The following CTNNA3 variants were observed in gnomAD, a reference collection of about 807,000 sequenced individuals.
CTNNA3 encodes the protein catenin alpha-3.
Under a neutral mutation model 95.7 loss-of-function variants are expected in CTNNA3, and 76 were observed. The observed-to-expected ratio is 0.79, with a 90% CI of 0.66 to 0.96. The LOEUF is 0.96. CTNNA3 is among the 40% of genes least tolerant of loss of function. The pLI, the probability that CTNNA3 is intolerant of heterozygous loss-of-function variation, is 0.00. For synonymous variants in CTNNA3, 431 were observed against 374.4 expected, an observed-to-expected ratio of 1.15 and a Z score of -1.74; for missense variants, 1,191 against 1,089.8, an observed-to-expected ratio of 1.09 and a Z score of -1.31.
chr10:66,364,564 G>A (rs1054604840), intron 12 of CTNNA3, among the ~76,000 whole-genome samples: 3 of 152,062 alleles, frequency 2.0e-5, no homozygotes, highest in African/African-American at 7.2e-5. Flanking sequence ...TTAAAAAGAT[G>A]TAGAATTTTG....
intron 12 of CTNNA3, among the ~76,000 whole-genome samples, chr10:66,301,057 C>G (rs2091855359): frequency 6.6e-6 from 1 of 152,012 alleles, no homozygotes; most frequent in Admixed American, 6.5e-5. Flanking sequence ...ACCCTATACT[C>G]ACAAATATGA....
At chr10:66,265,690 C>T (rs1310351995) in intron 13 of CTNNA3, among the ~76,000 whole-genome samples, 1 of 151,958 alleles carries the variant, frequency 6.6e-6, no homozygotes, top group African/African-American at 2.4e-5. Flanking sequence ...AAAATTGCTG[C>T]CACACTCTTA....
At chr10:66,298,634 C>T (rs570236851) in intron 12 of CTNNA3, among the ~76,000 whole-genome samples, 4 of 152,122 alleles carry the variant, frequency 2.6e-5, no homozygotes, top group African/African-American at 4.8e-5. Context: ...TATTGGGAGA[C>T]GGTACCTGCC....
chr10:67,297,787 C>CT (rs1169189185), intron 5 of CTNNA3, among the ~76,000 whole-genome samples: 3 of 152,188 alleles, frequency 2.0e-5, no homozygotes, highest in Admixed American at 6.5e-5. Flanking sequence ...TCGATAACAC[C>CT]TTGTTCATTA....
chr10:66,959,599 T>A (rs1216133959), intron 7 of CTNNA3, among the ~76,000 whole-genome samples: 1 of 152,112 alleles, frequency 6.6e-6, no homozygotes, highest in Non-Finnish European at 1.5e-5. Context: ...CTGGTGAAAG[T>A]AGATGATTTC....
At chr10:66,190,209 A>C (rs1305236878) in intron 13 of CTNNA3, among the ~76,000 whole-genome samples, 2 of 152,188 alleles carry the variant, frequency 1.3e-5, no homozygotes, top group Admixed American at 1.3e-4. Flanking sequence ...AAGGATCTTC[A>C]ATAACAGTAA....
intron 7 of CTNNA3, among the ~76,000 whole-genome samples, chr10:66,815,519 AC>A (rs1380148143): frequency 6.6e-6 from 1 of 152,046 alleles, no homozygotes; most frequent in Non-Finnish European, 1.5e-5. Flanking sequence ...TTTATTTGAC[AC>A]GATTTGAAAT....
At chr10:67,590,009 C>T (rs10997739) in intron 3 of CTNNA3, among the ~76,000 whole-genome samples, 15,135 of 152,082 alleles carry the variant, frequency 0.1, 1,505 homozygotes, top group African/African-American at 0.26. Context: ...ATCCCAGCTA[C>T]CATAATAATA....
chr10:66,245,831 T>C (rs1396497210), intron 13 of CTNNA3, among the ~76,000 whole-genome samples: 2 of 152,244 alleles, frequency 1.3e-5, no homozygotes, highest in African/African-American at 4.8e-5. Context: ...CTGGTCATAC[T>C]GACATCTCCC....
intron 5 of CTNNA3, among the ~76,000 whole-genome samples, chr10:67,289,115 T>G (rs1839722360): frequency 6.6e-6 from 1 of 152,216 alleles, no homozygotes; most frequent in South Asian, 2.1e-4. Flanking sequence ...ACTTTGTTTT[T>G]TACTTAGATA....
At chr10:66,910,914 A>C (rs1794273549) in intron 7 of CTNNA3, among the ~76,000 whole-genome samples, 1 of 152,244 alleles carries the variant, frequency 6.6e-6, no homozygotes, top group South Asian at 2.1e-4. Flanking sequence ...CAGCAACGTA[A>C]GCAATTTTAG....
chr10:67,359,865 C>T (rs2096073811), intron 5 of CTNNA3, among the ~76,000 whole-genome samples: 1 of 152,056 alleles, frequency 6.6e-6, no homozygotes, highest in Non-Finnish European at 1.5e-5. Flanking sequence ...TCATGAAATG[C>T]TAAACAAGAA....
At chr10:66,103,782 A>G (rs1758151680) in intron 13 of CTNNA3, among the ~76,000 whole-genome samples, 1 of 152,178 alleles carries the variant, frequency 6.6e-6, no homozygotes, top group Non-Finnish European at 1.5e-5. Context: ...GATGATAACA[A>G]TGTTCTGCAG....
intron 1 of CTNNA3, chr10:67,751,166 C>A: frequency 1.6e-6 from 2 of 1,282,452 alleles, no homozygotes; most frequent in East Asian, 2.3e-5. Context: ...TCAACAGAAA[C>A]TGGAGGGCCC....
chr10:66,410,763 C>T (rs1398393674), intron 11 of CTNNA3, among the ~76,000 whole-genome samples: 16 of 152,184 alleles, frequency 1.1e-4, no homozygotes, highest in Non-Finnish European at 1.9e-4. Flanking sequence ...TTACCAGACA[C>T]AAGGCTCCAT....
intron 5 of CTNNA3, among the ~76,000 whole-genome samples, chr10:67,304,621 G>C (rs966232765): frequency 6.6e-6 from 1 of 151,648 alleles, no homozygotes; most frequent in African/African-American, 2.4e-5. Flanking sequence ...TAAAATAAAA[G>C]GTGTATCTTT....
intron 5 of CTNNA3, among the ~76,000 whole-genome samples, chr10:67,343,047 C>T (rs529037088): frequency 2.6e-5 from 4 of 152,156 alleles, no homozygotes; most frequent in South Asian, 2.1e-4. Flanking sequence ...CTGCCTCCCA[C>T]GTTCAAGCAA....
intron 12 of CTNNA3, among the ~76,000 whole-genome samples, chr10:66,375,027 C>T (rs985221283): frequency 3.9e-5 from 6 of 151,928 alleles, no homozygotes; most frequent in Non-Finnish European, 7.4e-5. Context: ...TGCACGAGAA[C>T]AGAAAGAATT....
intron 7 of CTNNA3, among the ~76,000 whole-genome samples, chr10:67,025,010 A>C (rs1300074054): frequency 2.0e-5 from 3 of 151,760 alleles, no homozygotes; most frequent in Admixed American, 2.0e-4. Flanking sequence ...CATGCCTGTA[A>C]TCTCAGCTAC....
Sources: gnomAD v4.1 joint callset for allele counts (sites outside exome capture counted in the v4.1 genomes callset) on GRCh38, gnomAD v4.1.1 for gene constraint, MANE v1.5 for transcripts, NCBI Gene and HGNC (gene_info 2026-07-23, HGNC 2026-07-21) for gene names.